Variants in RIC3 observed in about 807,000 individuals in gnomAD.
The protein encoded by RIC3 is protein RIC-3.
In RIC3, 28 loss-of-function variants were observed where a neutral mutation model predicts 27.3. That is an observed-to-expected ratio of 1.02 (90% CI 0.76 to 1.41). The LOEUF (loss-of-function observed/expected upper bound fraction) is 1.41. Among genes scored for constraint, RIC3 ranks in the 40% most tolerant of loss-of-function variants. RIC3 has a pLI of 0.00. For synonymous variants in RIC3, 184 were observed against 160.4 expected, an observed-to-expected ratio of 1.15 and a Z score of -1.11; for missense variants, 501 against 444.7, an observed-to-expected ratio of 1.13 and a Z score of -1.14.
chr11:8,158,033 A>G (rs1008438552), intron 1 of RIC3, among the ~76,000 whole-genome samples: 5 of 152,186 alleles, frequency 3.3e-5, no homozygotes, highest in African/African-American at 9.7e-5. Context: ...TAGGGAAAAT[A>G]AATGGTAACC....
intron 1 of RIC3, among the ~76,000 whole-genome samples, chr11:8,147,724 ATTTTT>A (rs900780947): frequency 2.4e-5 from 3 of 124,528 alleles, no homozygotes; most frequent in Non-Finnish European, 3.3e-5. Context: ...CTTGCGTAAG[ATTTTT>A]TTTTTTTTTT....
chr11:8,100,415 A>G, the RIC3 span: 4 of 1,011,186 alleles, frequency 4.0e-6, no homozygotes, highest in South Asian at 4.1e-5. Flanking sequence ...GGTGGGAACT[A>G]GCTCTTCCTC....
chr11:8,151,454 C>T lies in RIC3; in HGVS notation c.125-11261G>A, dbSNP rs1353034835. 6.0e-5 allele frequency among the ~76,000 whole-genome samples: 9 copies of T among 149,848 alleles called. No individual in the cohort carries two copies. The South Asian group carries it at 6.4e-4, about 11-fold the overall frequency. ...TACAAAAATTAGCCGGGCATGGTGG[C>T]GCGTGCCTGTAGTCCCAGCTACACG... On this transcript the variant is annotated intron_variant, in intron 1 of 5. Coordinates refer to ENST00000309737, the MANE Select transcript of RIC3 (RefSeq NM_001206671.4).
chr11:8,116,582 A>G (rs1945883606), intron 5 of RIC3, among the ~76,000 whole-genome samples: 1 of 152,216 alleles, frequency 6.6e-6, no homozygotes, highest in African/African-American at 2.4e-5. Context: ...AAGAAAACCC[A>G]ATTTAAAAAT....
chr11:8,167,684 G>A (rs1951830807), intron 1 of RIC3, among the ~76,000 whole-genome samples: 1 of 149,870 alleles, frequency 6.7e-6, no homozygotes, highest in South Asian at 2.1e-4. Context: ...TCACTGTTCA[G>A]GATCATCATG....
chr11:8,133,347 G>A (rs182130971), intron 4 of RIC3, among the ~76,000 whole-genome samples: 9 of 152,262 alleles, frequency 5.9e-5, no homozygotes, highest in African/African-American at 1.4e-4. Flanking sequence ...GAAAACATAC[G>A]AACATATGGG....
At chr11:8,105,301 G>A (rs1271120556), downstream of RIC3, 1 of 152,186 alleles carries the variant, frequency 6.6e-6, no homozygotes, top group East Asian at 1.9e-4. Flanking sequence ...ACTGTGACTG[G>A]GACCTGAATG....
intron 1 of RIC3, among the ~76,000 whole-genome samples, chr11:8,141,048 G>C (rs1590246128): frequency 6.7e-6 from 1 of 148,234 alleles, no homozygotes; most frequent in African/African-American, 2.5e-5. Context: ...ACATGGAAAG[G>C]AACAACCGGT....
chr11:8,123,881 G>A (rs921558444), intron 5 of RIC3, among the ~76,000 whole-genome samples: 15 of 150,468 alleles, frequency 1.0e-4, no homozygotes, highest in Non-Finnish European at 2.1e-4. Context: ...GCACCACCAC[G>A]CCTGGCTAAT....
chr11:8,103,325 TTGG>T (rs1944387618), downstream of RIC3: 1 of 152,176 alleles, frequency 6.6e-6, no homozygotes, highest in Non-Finnish European at 1.5e-5. Flanking sequence ...AGATCTGAAA[TTGG>T]TGGGAAGCAA....
intron 5 of RIC3, among the ~76,000 whole-genome samples, chr11:8,124,692 G>A (rs558488724): frequency 6.6e-6 from 1 of 152,282 alleles, no homozygotes; most frequent in Non-Finnish European, 1.5e-5. Flanking sequence ...CAGATCAATG[G>A]AACAGAATAG....
rs574990498 is a variant in RIC3, at chr11:8,134,926, T to C, written c.521+2452A>G. Among the ~76,000 whole-genome samples, 971 of 152,318 alleles carry C rather than the reference T, an allele frequency of 6.4e-3. 11 individuals carry two copies. The highest frequency in any genetic ancestry group is 0.022 in the African/African-American group (932 of 41,578). On this transcript the variant is annotated intron_variant, in intron 4 of 5. Transcript: ENST00000309737. The stretch of plus-strand genomic sequence containing the variant: ...CAGATGAGTAGATTGCAACAATTTT[T>C]TCCCATTCTGTAGGTTGCCTGTTCA...
the RIC3 span, chr11:8,095,795 A>C: frequency 9.8e-7 from 1 of 1,015,240 alleles, no homozygotes; most frequent in Non-Finnish European, 1.4e-6. Flanking sequence ...GGTGGGGCAC[A>C]CTTCGGAGAC....
chr11:8,098,259 G>C, the RIC3 span, among the ~76,000 whole-genome samples: 1 of 152,126 alleles, frequency 6.6e-6, no homozygotes, highest in Non-Finnish European at 1.5e-5. Context: ...CCTCCAGGTG[G>C]GGGCAGTGGG....
intron 1 of RIC3, among the ~76,000 whole-genome samples, chr11:8,163,020 C>A (rs1238454205): frequency 4.2e-5 from 5 of 120,188 alleles, no homozygotes; most frequent in African/African-American, 1.7e-4. Context: ...ATTATTTAAA[C>A]ACACACACAC....
At chr11:8,100,454 G>A in the RIC3 span, 1 of 1,468,398 alleles carries the variant, frequency 6.8e-7, no homozygotes, top group Non-Finnish European at 9.5e-7. Context: ...ACCTTCTCCA[G>A]TAGGTAAATA....
chr11:8,103,743 A>G (rs941885219), downstream of RIC3: 1 of 152,638 alleles, frequency 6.6e-6, no homozygotes, highest in Non-Finnish European at 1.5e-5. Flanking sequence ...GACATTTGAG[A>G]TGATGGAAAC....
At chr11:8,102,816 G>C (rs1944361716), downstream of RIC3, 1 of 152,202 alleles carries the variant, frequency 6.6e-6, no homozygotes, top group Non-Finnish European at 1.5e-5. Context: ...GGCTTGCCCT[G>C]GGTCACCTAG....
At chr11:8,095,447 G>A in the RIC3 span, 2 of 1,553,224 alleles carry the variant, frequency 1.3e-6, no homozygotes, top group Non-Finnish European at 1.7e-6. Context: ...GAGAATCCAG[G>A]CCCTCCTCTC....
Sources: gnomAD v4.1 joint callset for allele counts (sites outside exome capture counted in the v4.1 genomes callset) on GRCh38, gnomAD v4.1.1 for gene constraint, MANE v1.5 for transcripts, NCBI Gene and HGNC (gene_info 2026-07-23, HGNC 2026-07-21) for gene names.